FAM209B: variants seen among roughly 807,000 people sequenced by gnomAD.
FAM209B encodes the protein family with sequence similarity 209 member B.
Under a neutral mutation model 8.9 loss-of-function variants are expected in FAM209B, and 8 were observed. That is an observed-to-expected ratio of 0.90 (90% CI 0.53 to 1.62). FAM209B has a LOEUF of 1.62. Among genes scored for constraint, FAM209B ranks in the 40% most tolerant of loss-of-function variants. The pLI, the probability that FAM209B is intolerant of heterozygous loss-of-function variation, is 0.00. For synonymous variants in FAM209B, 67 were observed against 75.0 expected (o/e 0.89, Z 0.55); for missense variants, 175 against 205.3 (o/e 0.85, Z 0.90).
chr20:56,533,643 C>A, intron 1 of FAM209B, 53 bp downstream of exon 1: 4 of 1,600,398 alleles, frequency 2.5e-6, no homozygotes, highest in Non-Finnish European at 3.4e-6. Flanking sequence ...TCAGGAGTCT[C>A]AGGGAAACGG....
At chr20:56,535,198 G>T (rs1985928078) in intron 1 of FAM209B, among the ~76,000 whole-genome samples, 1 of 151,636 alleles carries the variant, frequency 6.6e-6, no homozygotes, top group South Asian at 2.1e-4. Flanking sequence ...CGCCAGCCTG[G>T]GCGACAAAGT....
chr20:56,536,039 G>T, intron 1 of FAM209B, 133 bp from the exon 2 acceptor site: 1 of 660,534 alleles, frequency 1.5e-6, no homozygotes, highest in Admixed American at 3.0e-5. Context: ...GCCAAATTTG[G>T]CCATAGTCTG....
intron 1 of FAM209B, among the ~76,000 whole-genome samples, chr20:56,535,697 A>C (rs977171597): frequency 1.3e-5 from 2 of 152,200 alleles, no homozygotes; most frequent in Non-Finnish European, 2.9e-5. Flanking sequence ...AACAAACAAA[A>C]AAAAGAGATG....
intron 1 of FAM209B, among the ~76,000 whole-genome samples, chr20:56,535,092 C>T (rs1985924786): frequency 6.6e-6 from 1 of 150,678 alleles, no homozygotes; most frequent in Admixed American, 6.6e-5. Context: ...TGTGGTGGCA[C>T]ACCCCTGTAA....
At chr20:56,533,713 G>A in intron 1 of FAM209B, 123 bp downstream of exon 1, 2 of 1,318,828 alleles carry the variant, frequency 1.5e-6, no homozygotes, top group Non-Finnish European at 2.1e-6. Context: ...ATGGTCCTGG[G>A]CAAAGCTGGC....
rs960791235 is a variant in FAM209B at position 56,533,540 on chromosome 20, G to C, written c.199G>C (p.Val67Leu). ...CAAATGGCTCTGGCTTTTGTTTGCT[G>C]TTGTGCCGTTTGTGATACTGCAGTG... ...GSKWLWLLFA[V>L]VPFVILQCQR... Residue 67 changes from valine to leucine, a missense_variant, in exon 1 of 2, where the codon GTT (valine) becomes CTT (leucine). This residue lies in a region of FAM209B where 166 missense variants were observed against 174.5 expected (regional missense o/e 0.95). Coordinates refer to ENST00000371325, the MANE Select transcript of FAM209B (RefSeq NM_001013646.4). The C allele has an allele frequency of 1.1e-5, 17 of 1,614,186 alleles. No homozygotes were observed. The highest frequency in any genetic ancestry group is 1.3e-5 in the Non-Finnish European group (15 of 1,180,032).
intron 1 of FAM209B, 67 bp from the exon 2 acceptor site, chr20:56,536,105 G>A (rs1985961528): frequency 4.4e-6 from 6 of 1,373,572 alleles, no homozygotes; most frequent in South Asian, 1.5e-5. Context: ...GAGCCCAACT[G>A]TCTTGGAACT....
At chr20:56,534,203 AG>A (rs879457677) in intron 1 of FAM209B, among the ~76,000 whole-genome samples, 31 of 152,298 alleles carry the variant, frequency 2.0e-4, no homozygotes, top group South Asian at 6.2e-4. Context: ...TATTATTCAC[AG>A]GGCCAAATTC....
rs41311045 is a variant in FAM209B, at chr20:56,533,362, C to T, written c.21C>T (p.Ser7=). Residue 7 remains serine (S), a synonymous_variant, in exon 1 of 2, where the codon TCC becomes TCT. Coordinates refer to ENST00000371325, the MANE Select transcript of FAM209B (RefSeq NM_001013646.4). MWTLKS[S]LVLLLCLTCS... is the part of the protein sequence containing the mutation. ...TCACCATGTGGACGCTGAAATCGTC[C>T]CTGGTCCTGCTTCTGTGCCTCACCT... 104,722 of 1,614,004 alleles carry T rather than the reference C, an allele frequency of 0.065. 3,730 individuals are homozygous for T. Among genetic ancestry groups the T allele is most frequent in the Middle Eastern group, 0.083 (502 of 6,050 alleles).
Position 56,533,448 on chromosome 20 carries a change from T to G in FAM209B, c.107T>G (p.Val36Gly). The change falls in exon 1 of 2, where the codon GTG becomes GGG. Residue 36 changes from valine (V) to glycine (G), a missense_variant. Physicochemically the swap from Val to Gly is moderately radical, Grantham distance 109. Around this residue, in one of 2 missense-constraint regions of FAM209B, gnomAD observed 166 missense variants for 174.5 expected, o/e 0.95. Coordinates refer to ENST00000371325, the MANE Select transcript of FAM209B (RefSeq NM_001013646.4). ...RQKTSEPQGK[V>G]PCGEHFRIRQ... ...AAAACTAGCGAACCCCAGGGGAAGG[T>G]GCCGTGTGGAGAGCACTTTCGGATT... is the stretch of plus-strand genomic sequence containing the variant. 1 of 1,610,570 alleles carries G rather than the reference T, an allele frequency of 6.2e-7. No homozygotes were observed. The highest frequency in any genetic ancestry group is 8.5e-7 in the Non-Finnish European group (1 of 1,177,144).
intron 1 of FAM209B, among the ~76,000 whole-genome samples, chr20:56,534,492 T>C (rs950967226): frequency 2.0e-5 from 3 of 151,932 alleles, no homozygotes; most frequent in Non-Finnish European, 4.4e-5. Flanking sequence ...GGCTCACCCC[T>C]GTAATCCTAG....
chr20:56,534,398 TGAGGTCAG>T (rs1221142860), intron 1 of FAM209B, among the ~76,000 whole-genome samples: 2 of 151,648 alleles, frequency 1.3e-5, no homozygotes, highest in African/African-American at 4.8e-5. Flanking sequence ...GCAGATCACT[TGAGGTCAG>T]GAGATTGAGA....
At position 56,533,358 on chromosome 20, in the gene FAM209B, C is replaced by T. The variant is rs140276541; in HGVS notation, c.17C>T (p.Ser6Leu). MWTLK[S>L]SLVLLLCLTC... Reference sequence around the variant, plus strand: ...CTGCTCACCATGTGGACGCTGAAATCGTCCCTGGTCCTGCTTCTGTGCCTC... The same window carrying T: ...CTGCTCACCATGTGGACGCTGAAATTGTCCCTGGTCCTGCTTCTGTGCCTC... The change falls in exon 1 of 2, where the codon TCG (serine) becomes TTG (leucine). Residue 6 changes from serine to leucine, a missense_variant. By Grantham distance (145) the Ser-to-Leu change is moderately radical. Transcript: ENST00000371325. 14 of 1,614,014 alleles carry T rather than the reference C, an allele frequency of 8.7e-6. No individual in the cohort carries two copies. Among genetic ancestry groups the T allele is most frequent in the Non-Finnish European group, 1.2e-5 (14 of 1,179,998 alleles).
At chr20:56,535,423 C>A (rs1033049244) in intron 1 of FAM209B, among the ~76,000 whole-genome samples, 1 of 150,534 alleles carries the variant, frequency 6.6e-6, no homozygotes, top group South Asian at 2.1e-4. Flanking sequence ...AAAACCCTGT[C>A]TCTACAAAAA....
intron 1 of FAM209B, among the ~76,000 whole-genome samples, chr20:56,534,762 A>G (rs1332022462): frequency 7.0e-6 from 1 of 143,180 alleles, no homozygotes; most frequent in Admixed American, 7.0e-5. Flanking sequence ...AAAAAAAAAA[A>G]AAAAAAAAAA....
chr20:56,536,112 A>G, intron 1 of FAM209B, 60 bp from the exon 2 acceptor site: 1 of 1,395,630 alleles, frequency 7.2e-7, no homozygotes, highest in Non-Finnish European at 9.7e-7. Flanking sequence ...ACTGTCTTGG[A>G]ACTGTGTCAA....
Position 56,533,251 on chromosome 20 carries a change from C to T in FAM209B, c.-91C>T, listed in dbSNP as rs1985830756. The T allele has an allele frequency of 6.3e-7, 1 of 1,578,156 alleles. No individual in the cohort carries two copies. Among genetic ancestry groups the T allele is most frequent in the Non-Finnish European group, 8.6e-7 (1 of 1,162,186 alleles). On this transcript the variant is annotated 5_prime_UTR_variant, in exon 1 of 2. Coordinates refer to ENST00000371325, the MANE Select transcript of FAM209B (RefSeq NM_001013646.4). ...CCTCAGCTCAGGGCCTCTGTGACATCACCAAGGGCCTGGCACCAGGTGCCC... is the reference window on the plus strand; with the variant it reads ...CCTCAGCTCAGGGCCTCTGTGACATTACCAAGGGCCTGGCACCAGGTGCCC...
Position 56,536,393 on chromosome 20 carries a change from C to G in FAM209B, c.471C>G (p.Tyr157Ter). Reference protein sequence around the residue: ...LRRSEMPADPYHVTICKIWGE... With the variant: ...LRRSEMPADP ...GGTCAGAGATGCCTGCAGATCCATA[C>G]CATGTCACAATCTGTAAAATATGGG... Residue 157 changes from tyrosine (Y) to a stop codon, truncating the protein, a stop_gained, in exon 2 of 2, where the codon TAC becomes TAG. Transcript: ENST00000371325. LOFTEE classifies it high-confidence loss of function. The G allele has an allele frequency of 1.2e-6, 2 of 1,612,556 alleles. No homozygotes were observed. Among genetic ancestry groups the G allele is most frequent in the Non-Finnish European group, 1.7e-6 (2 of 1,179,542 alleles).
chr20:56,534,342 C>T (rs1240417976), intron 1 of FAM209B, among the ~76,000 whole-genome samples: 1 of 152,010 alleles, frequency 6.6e-6, no homozygotes, highest in Non-Finnish European at 1.5e-5. Context: ...AGGCCGGGCA[C>T]AGTGGCTCAT....
Sources: allele counts gnomAD v4.1 joint callset (sites outside exome capture counted in the v4.1 genomes callset), GRCh38; gene constraint gnomAD v4.1.1; regional missense constraint gnomAD v4.1.1; transcripts MANE v1.5; gene names NCBI Gene and HGNC (gene_info 2026-07-23, HGNC 2026-07-21).